LRRC66: variants seen among roughly 807,000 people sequenced by gnomAD.
LRRC66 encodes leucine-rich repeat-containing protein 66.
In LRRC66, 29 loss-of-function variants were observed where a neutral mutation model predicts 24.6. That is an observed-to-expected ratio of 1.18 (90% confidence interval 0.88 to 1.61). LRRC66 has a LOEUF of 1.61. Among genes scored for constraint, LRRC66 ranks in the 40% most tolerant of loss-of-function variants. The pLI is 0.00. For missense variants in LRRC66, 1,124 were observed against 1,058.0 expected, an observed-to-expected ratio of 1.06 and a Z score of -0.87; for synonymous variants, 411 against 397.6, an observed-to-expected ratio of 1.03 and a Z score of -0.40.
chr4:52,010,323 A>T (rs1213710751), intron 2 of LRRC66, among the ~76,000 whole-genome samples: 2 of 152,200 alleles, frequency 1.3e-5, no homozygotes, highest in Non-Finnish European at 2.9e-5. Context: ...CTTATTTTTT[A>T]AAATAATGTC....
chr4:51,998,350 A>G (rs1560557478), intron 3 of LRRC66, among the ~76,000 whole-genome samples: 1 of 152,254 alleles, frequency 6.6e-6, no homozygotes, highest in Non-Finnish European at 1.5e-5. Flanking sequence ...TCTTGAAAGC[A>G]GCAGAAAATA....
Position 51,995,618 on chromosome 4 carries a change from G to C in LRRC66, c.1404C>G (p.Thr468=), listed in dbSNP as rs779422908. The C allele has an allele frequency of 1.2e-6, 2 of 1,614,088 alleles. No homozygotes were observed. Among genetic ancestry groups the C allele is most frequent in the South Asian group, 1.1e-5 (1 of 91,072 alleles). ...TTCCCAGAGTTCTATCAGGAATTAC[G>C]GTGGCGTGTGGGTGTGGCTGTGTCA... ...FWVTQPHPHA[T]VIPDRTLGRS... is the part of the protein sequence containing the mutation. The change falls in exon 5 of 5, where the codon ACC becomes ACG. Residue 468 remains threonine (T), a synonymous_variant. Transcript: ENST00000682860.
chr4:52,004,126 C>T (rs934949954), intron 2 of LRRC66, among the ~76,000 whole-genome samples: 2 of 152,182 alleles, frequency 1.3e-5, no homozygotes, highest in African/African-American at 4.8e-5. Context: ...CCTCAGCCTC[C>T]TGAGTGGCTG....
chr4:52,019,633 T>C lies in LRRC66; in HGVS notation c.-6+671A>G, dbSNP rs1015274571. ...ATTTATTTTTACAGTGTGCTTCTTA[T>C]GCAATACTAGAAATTGAATTGATTT... On this transcript the variant is annotated intron_variant, in intron 1 of 4. Transcript: ENST00000682860. 2.2e-4 allele frequency among the ~76,000 whole-genome samples: 33 copies of C among 152,206 alleles called. 1 individual carries two copies. The highest frequency in any genetic ancestry group is 1.8e-3 in the Admixed American group (28 of 15,288).
At chr4:51,999,879 A>G (rs1736408479) in intron 3 of LRRC66, among the ~76,000 whole-genome samples, 1 of 152,234 alleles carries the variant, frequency 6.6e-6, no homozygotes, top group South Asian at 2.1e-4. Flanking sequence ...GAATGGGATA[A>G]GATTAGGAAA....
intron 2 of LRRC66, among the ~76,000 whole-genome samples, chr4:52,007,955 G>A (rs1392971148): frequency 6.6e-6 from 1 of 152,122 alleles, no homozygotes; most frequent in Non-Finnish European, 1.5e-5. Flanking sequence ...TGTTAGAGTA[G>A]GGTTAGAGAT....
At chr4:52,002,456 T>C (rs1478317152) in intron 3 of LRRC66, among the ~76,000 whole-genome samples, 2 of 152,144 alleles carry the variant, frequency 1.3e-5, no homozygotes, top group Non-Finnish European at 1.5e-5. Flanking sequence ...GAGGAGATTT[T>C]ACAACATTCT....
intron 2 of LRRC66, among the ~76,000 whole-genome samples, chr4:52,012,112 G>A (rs1403499026): frequency 3.3e-5 from 5 of 152,008 alleles, no homozygotes; most frequent in East Asian, 1.9e-4. Flanking sequence ...TCTTGAACCC[G>A]GGAGGTGGAG....
Position 51,994,395 on chromosome 4 carries a change from GA to G in LRRC66, c.2626del (p.Ser876GlnfsTer4). 1 of 1,610,334 alleles carries G rather than the reference GA, an allele frequency of 6.2e-7. No individual in the cohort carries two copies. The highest frequency in any genetic ancestry group is 1.3e-5 in the African/African-American group (1 of 74,748). The stretch of plus-strand genomic sequence containing the variant: ...GAAAGATTCTTATTTTAAAATGTCT[GA>G]GTCTCTTTCATGGAAGGCAGCCTTA... ...PDKAAFHERDSDILK is the reference protein window; with the variant it reads ...PDKAAFHERDXDILK On this transcript the variant is annotated frameshift_variant, in exon 5 of 5. Coordinates refer to ENST00000682860, the MANE Select transcript of LRRC66 (RefSeq NM_001024611.3). LOFTEE classifies it low-confidence loss of function (END_TRUNC).
chr4:52,011,432 G>A (rs1356113736), intron 2 of LRRC66, among the ~76,000 whole-genome samples: 2 of 152,174 alleles, frequency 1.3e-5, no homozygotes, highest in African/African-American at 4.8e-5. Flanking sequence ...ATCAAAAAGT[G>A]CTCTGAAAAA....
At chr4:52,018,458 T>C (rs1736867588) in intron 1 of LRRC66, 4 of 985,416 alleles carry the variant, frequency 4.1e-6, no homozygotes, top group Non-Finnish European at 4.8e-6. Flanking sequence ...ATCACATTAT[T>C]GAGTATATGA....
At position 51,994,564 on chromosome 4, in the gene LRRC66, C is replaced by G. The variant is rs775054492; in HGVS notation, c.2458G>C (p.Gly820Arg). Residue 820 changes from glycine (G) to arginine (R), a missense_variant, in exon 5 of 5, where the codon GGC becomes CGC. Physicochemically the swap from Gly to Arg is moderately radical, Grantham distance 125 (BLOSUM62 -2). Coordinates refer to ENST00000682860, the MANE Select transcript of LRRC66 (RefSeq NM_001024611.3). The stretch of plus-strand genomic sequence containing the variant: ...GTGTCATAATCATAAGTGAACATGC[C>G]CGGAAACTCATCCCCTAAGGGACTA... ...GNSPLGDEFP[G>R]MFTYDYDTAL... is the part of the protein sequence containing the mutation. The G allele has an allele frequency of 5.3e-5, 86 of 1,614,006 alleles. 1 individual carries two copies. In the South Asian group the frequency reaches 8.8e-4, roughly 16 times the overall value.
Position 51,995,966 on chromosome 4 carries a change from C to G in LRRC66, c.1056G>C (p.Leu352=). The G allele has an allele frequency of 6.2e-7, 1 of 1,614,034 alleles. No homozygotes were observed. Among genetic ancestry groups the G allele is most frequent in the South Asian group, 1.1e-5 (1 of 91,070 alleles). ...GSGLRKKQRR[L]PRSVRSTRDV... ...CGCGGGTGCTTCTAACACTCCTTGGCAGCCGTCTCTGCTTCTTCCTGAGAC... is the reference window on the plus strand; with the variant it reads ...CGCGGGTGCTTCTAACACTCCTTGGGAGCCGTCTCTGCTTCTTCCTGAGAC... The change falls in exon 5 of 5, where the codon CTG becomes CTC. Residue 352 remains leucine (L), a synonymous_variant. Coordinates refer to ENST00000682860, the MANE Select transcript of LRRC66 (RefSeq NM_001024611.3).
Position 51,994,305 on chromosome 4 carries a change from C to A in LRRC66, c.*74G>T. 4 of 1,357,842 alleles carry A rather than the reference C, an allele frequency of 2.9e-6. No homozygotes were observed. Among genetic ancestry groups the A allele is most frequent in the Non-Finnish European group, 4.0e-6 (4 of 1,000,796 alleles). 84.1% of individuals were successfully genotyped at this position (1,357,842 alleles called of 1,614,324 possible). A position where few individuals can be genotyped will look rare whatever the true frequency, so the allele number is the denominator to read the frequency against. ...CTCCTTCAGGATCTTGTTGTGAAGGCTTTAGTTTTCCCCTGCCATGATCTT... is the reference window on the plus strand; with the variant it reads ...CTCCTTCAGGATCTTGTTGTGAAGGATTTAGTTTTCCCCTGCCATGATCTT... On this transcript the variant is annotated 3_prime_UTR_variant, in exon 5 of 5. Coordinates refer to ENST00000682860, the MANE Select transcript of LRRC66 (RefSeq NM_001024611.3).
At chr4:52,002,375 C>T (rs1279913492) in intron 3 of LRRC66, among the ~76,000 whole-genome samples, 2 of 151,996 alleles carry the variant, frequency 1.3e-5, no homozygotes, top group Admixed American at 6.6e-5. Flanking sequence ...AGATGGGGGA[C>T]TAAGGACTCT....
At chr4:52,009,795 C>T (rs929762107) in intron 2 of LRRC66, among the ~76,000 whole-genome samples, 2 of 152,124 alleles carry the variant, frequency 1.3e-5, no homozygotes, top group African/African-American at 4.8e-5. Context: ...TAAACAAACA[C>T]TTCCAGAAGA....
intron 4 of LRRC66, among the ~76,000 whole-genome samples, chr4:51,996,512 C>T (rs1406051219): frequency 6.6e-6 from 1 of 152,148 alleles, no homozygotes; most frequent in African/African-American, 2.4e-5. Context: ...CTCCCTCAGC[C>T]TCCTGAACAG....
chr4:51,995,207 T>G lies in LRRC66; in HGVS notation c.1815A>C (p.Glu605Asp). 6.2e-7 allele frequency: 1 copy of G among 1,614,214 alleles called. No individual in the cohort carries two copies. Residue 605 changes from glutamate to aspartate, a missense_variant, in exon 5 of 5, where the codon GAA (glutamate) becomes GAC (aspartate). By Grantham distance (45) the Glu-to-Asp change is conservative. Coordinates refer to ENST00000682860, the MANE Select transcript of LRRC66 (RefSeq NM_001024611.3). ...AEAQRTGDSK[E>D]RGGTEQSLWD... is the part of the protein sequence containing the mutation. Reference sequence around the variant, plus strand: ...AAAGTGACTGTTCAGTGCCCCCTCTTTCCTTACTATCTCCAGTCCTCTGTG... The same window carrying G: ...AAAGTGACTGTTCAGTGCCCCCTCTGTCCTTACTATCTCCAGTCCTCTGTG...
chr4:52,016,118 G>C (rs1345817056), intron 2 of LRRC66, among the ~76,000 whole-genome samples: 4 of 152,152 alleles, frequency 2.6e-5, no homozygotes, highest in South Asian at 4.1e-4. Context: ...GAGAAGGTCA[G>C]GGAGATAAGA....
Sources: gnomAD v4.1 joint callset for allele counts (sites outside exome capture counted in the v4.1 genomes callset) on GRCh38, gnomAD v4.1.1 for gene constraint, MANE v1.5 for transcripts, NCBI Gene and HGNC (gene_info 2026-07-23, HGNC 2026-07-21) for gene names.